The following EYS variants were observed in gnomAD, a reference collection of about 807,000 sequenced individuals.
EYS encodes protein eyes shut homolog.
Under a neutral mutation model 282.1 loss-of-function variants are expected in EYS, and 250 were observed. The ratio of observed to expected loss-of-function variants is 0.89; its 90% CI spans 0.80 to 0.98. The LOEUF (loss-of-function observed/expected upper bound fraction) is 0.98. Ranked by LOEUF, EYS falls within the 50% of genes least tolerant of loss-of-function variation. EYS has a pLI of 0.00. For missense variants in EYS, 4,016 were observed against 3,709.0 expected (o/e 1.08, Z -2.15); for synonymous variants, 1,355 against 1,282.9 (o/e 1.06, Z -1.20).
chr6:63,851,147 A>G (rs1366209611), intron 36 of EYS, among the ~76,000 whole-genome samples: 1 of 152,222 alleles, frequency 6.6e-6, no homozygotes, highest in African/African-American at 2.4e-5. Flanking sequence ...ATACGCACCC[A>G]ATACAGGATC....
At chr6:65,209,215 T>C (rs1451075884) in intron 12 of EYS, among the ~76,000 whole-genome samples, 2 of 151,668 alleles carry the variant, frequency 1.3e-5, no homozygotes, top group African/African-American at 2.4e-5. Flanking sequence ...AATCAGGTAG[T>C]AAAATGTAAT....
At chr6:64,609,879 C>T (rs1186895738) in intron 24 of EYS, among the ~76,000 whole-genome samples, 2 of 151,246 alleles carry the variant, frequency 1.3e-5, no homozygotes, top group African/African-American at 2.4e-5. Flanking sequence ...AGAGAAAGAG[C>T]TTGTCTAAAT....
intron 11 of EYS, among the ~76,000 whole-genome samples, chr6:65,324,844 A>C (rs1183964349): frequency 6.6e-6 from 1 of 152,198 alleles, no homozygotes; most frequent in Admixed American, 6.5e-5. Flanking sequence ...CCAAAAAGCC[A>C]AAGGAACTGT....
chr6:64,898,706 T>C (rs920092717), intron 18 of EYS, among the ~76,000 whole-genome samples: 6 of 149,702 alleles, frequency 4.0e-5, no homozygotes, highest in African/African-American at 1.2e-4. Context: ...ATTCAGGAGA[T>C]GCATCTCGTA....
intron 5 of EYS, among the ~76,000 whole-genome samples, chr6:65,418,450 A>T (rs904400633): frequency 6.6e-6 from 1 of 152,080 alleles, no homozygotes; most frequent in African/African-American, 2.4e-5. Flanking sequence ...TATTTACAAT[A>T]GCAAAGACAT....
At chr6:64,153,704 G>A (rs1002822241) in intron 31 of EYS, among the ~76,000 whole-genome samples, 1 of 152,240 alleles carries the variant, frequency 6.6e-6, no homozygotes, top group South Asian at 2.1e-4. Flanking sequence ...TTTACAGGAG[G>A]GAGTCCAAGC....
chr6:65,022,887 T>TA (rs1378681526), intron 13 of EYS, among the ~76,000 whole-genome samples: 1 of 151,992 alleles, frequency 6.6e-6, no homozygotes, highest in Non-Finnish European at 1.5e-5. Flanking sequence ...TCAAGGTTTT[T>TA]ATATACTATT....
chr6:64,688,551 T>A (rs1770246668), intron 22 of EYS, among the ~76,000 whole-genome samples: 1 of 152,202 alleles, frequency 6.6e-6, no homozygotes, highest in Admixed American at 6.5e-5. Context: ...AGTTTCTTAA[T>A]CCTGAGTTCT....
intron 22 of EYS, among the ~76,000 whole-genome samples, chr6:64,668,649 C>T (rs761443369): frequency 7.4e-5 from 11 of 149,640 alleles, no homozygotes; most frequent in Non-Finnish European, 1.3e-4. Flanking sequence ...ACCGCAAGCT[C>T]GGCCTTCTGG....
chr6:65,317,026 A>G (rs538091466), intron 11 of EYS, among the ~76,000 whole-genome samples: 1 of 152,150 alleles, frequency 6.6e-6, no homozygotes, highest in Non-Finnish European at 1.5e-5. Context: ...ATTTTATATA[A>G]TAAATATTGT....
At chr6:64,790,392 A>G (rs1223807826) in intron 22 of EYS, among the ~76,000 whole-genome samples, 2 of 151,994 alleles carry the variant, frequency 1.3e-5, no homozygotes, top group Non-Finnish European at 2.9e-5. Context: ...TTAAATGATG[A>G]CCAAATCAAA....
chr6:65,022,583 A>T (rs7765761), intron 13 of EYS, among the ~76,000 whole-genome samples: 90,773 of 151,804 alleles, frequency 0.6, 29,550 homozygotes, highest in African/African-American at 0.88. Context: ...AAACTCTCAT[A>T]AGACAGTTAC....
chr6:64,777,727 T>C (rs753814105), intron 22 of EYS, among the ~76,000 whole-genome samples: 12 of 152,222 alleles, frequency 7.9e-5, no homozygotes, highest in Non-Finnish European at 1.3e-4. Context: ...TCTGGAGAAA[T>C]AAAAACTTCC....
At chr6:65,443,359 C>T (rs375813016) in intron 5 of EYS, among the ~76,000 whole-genome samples, 1 of 131,960 alleles carries the variant, frequency 7.6e-6, no homozygotes, top group Non-Finnish European at 1.7e-5. Context: ...GACATATATG[C>T]ATACATGTAT....
At chr6:64,738,732 C>T (rs1772269360) in intron 22 of EYS, among the ~76,000 whole-genome samples, 1 of 151,952 alleles carries the variant, frequency 6.6e-6, no homozygotes, top group Admixed American at 6.6e-5. Context: ...AGAGAAAGGC[C>T]ATGCAAAAAA....
intron 35 of EYS, among the ~76,000 whole-genome samples, chr6:63,871,541 A>G (rs1022420496): frequency 6.6e-6 from 1 of 152,126 alleles, no homozygotes; most frequent in Non-Finnish European, 1.5e-5. Flanking sequence ...ACATGCCTGT[A>G]ATTCCAGCTA....
At chr6:65,696,444 G>T (rs1769460035) in intron 1 of EYS, among the ~76,000 whole-genome samples, 1 of 151,946 alleles carries the variant, frequency 6.6e-6, no homozygotes, top group African/African-American at 2.4e-5. Flanking sequence ...TTTATTTTGA[G>T]AGTAAACTAT....
At chr6:65,025,796 T>C (rs1772389977) in intron 13 of EYS, among the ~76,000 whole-genome samples, 1 of 152,178 alleles carries the variant, frequency 6.6e-6, no homozygotes, top group Admixed American at 6.5e-5. Flanking sequence ...CAGATGTCTG[T>C]CAGTGAGAGA....
chr6:64,056,792 C>T (rs1771000664), intron 33 of EYS, among the ~76,000 whole-genome samples: 1 of 152,172 alleles, frequency 6.6e-6, no homozygotes, highest in Admixed American at 6.6e-5. Context: ...TAACCAGCCC[C>T]TATGTAGATC....
Sources: gnomAD v4.1 joint callset for allele counts (sites outside exome capture counted in the v4.1 genomes callset) on GRCh38, gnomAD v4.1.1 for gene constraint, MANE v1.5 for transcripts, NCBI Gene and HGNC (gene_info 2026-07-23, HGNC 2026-07-21) for gene names.